SYT16: variants seen among roughly 807,000 people sequenced by gnomAD.
The protein encoded by SYT16 is synaptotagmin 16.
A neutral mutation model predicts 61.4 loss-of-function variants in SYT16; 42 were observed. The observed-to-expected ratio is 0.68, with a 90% CI of 0.53 to 0.89. The LOEUF (loss-of-function observed/expected upper bound fraction) is 0.89. SYT16 is among the 40% of genes least tolerant of loss of function. SYT16 has a pLI of 0.00. For missense variants in SYT16, 804 were observed against 807.3 expected, an observed-to-expected ratio of 1.00 and a Z score of 0.05; for synonymous variants, 314 against 302.3, an observed-to-expected ratio of 1.04 and a Z score of -0.40.
Position 61,983,616 on chromosome 14 carries a change from A to T in SYT16, c.-144-12260A>T, listed in dbSNP as rs560791966. 3.1e-4 allele frequency among the ~76,000 whole-genome samples: 47 copies of T among 152,062 alleles called. No individual in the cohort carries two copies. The South Asian group carries it at 9.3e-3, about 30-fold the overall frequency. On this transcript the variant is annotated intron_variant, in intron 2 of 7. Coordinates refer to ENST00000683842, the MANE Select transcript of SYT16 (RefSeq NM_001367656.1). ...TCATAGCTCACTGTGATCTCAACTT[A>T]TTGGGCTCAAGCAATCCTTCAGCCT... is the stretch of plus-strand genomic sequence containing the variant.
At chr14:62,063,609 C>T (rs1220907707) in intron 3 of SYT16, among the ~76,000 whole-genome samples, 1 of 152,170 alleles carries the variant, frequency 6.6e-6, no homozygotes, top group East Asian at 1.9e-4. Flanking sequence ...GTGGGTGATA[C>T]TACTCCCAAC....
At chr14:61,833,970 AT>A (rs544826072) in intron 1 of SYT16, among the ~76,000 whole-genome samples, 4,384 of 117,294 alleles carry the variant, frequency 0.037, 178 homozygotes, top group African/African-American at 0.11. Context: ...TCTGGCTTTG[AT>A]TTTTTTTTTT....
chr14:61,945,972 C>T (rs563857220), intron 1 of SYT16, among the ~76,000 whole-genome samples: 1 of 145,166 alleles, frequency 6.9e-6, no homozygotes, highest in South Asian at 2.2e-4. Context: ...GAAAATCAAA[C>T]ACCACATGTT....
intron 1 of SYT16, among the ~76,000 whole-genome samples, chr14:61,956,251 A>G (rs535029450): frequency 1.3e-4 from 20 of 151,898 alleles, no homozygotes; most frequent in Non-Finnish European, 2.4e-4. Context: ...TCCATAGGTT[A>G]CCTTTTCATT....
chr14:61,979,798 C>T (rs1266589438), intron 2 of SYT16, among the ~76,000 whole-genome samples: 1 of 152,118 alleles, frequency 6.6e-6, no homozygotes, highest in Non-Finnish European at 1.5e-5. Flanking sequence ...CGGAGAATCA[C>T]TTGAACCCGG....
In SYT16 at chr14:62,100,757, G is replaced by A; in HGVS notation, c.*50G>A. ...TGTGTCCACCTTGGTTACCTGTGTT[G>A]CTGTCTACTGACACTAAGTGTCCTG... On this transcript the variant is annotated 3_prime_UTR_variant, in exon 8 of 8. Coordinates refer to ENST00000683842, the MANE Select transcript of SYT16 (RefSeq NM_001367656.1). The A allele has an allele frequency of 6.4e-7, 1 of 1,556,912 alleles. No homozygotes were observed. Among genetic ancestry groups the A allele is most frequent in the South Asian group, 1.2e-5 (1 of 81,292 alleles).
At chr14:62,004,347 C>T (rs775904687) in intron 3 of SYT16, among the ~76,000 whole-genome samples, 43 of 152,166 alleles carry the variant, frequency 2.8e-4, no homozygotes, top group African/African-American at 7.5e-4. Context: ...ATGAGAACAG[C>T]ATGGGGGAAA....
In SYT16 at chr14:62,025,104, A is replaced by G. The variant is rs572087912; in HGVS notation, c.523+28562A>G. On this transcript the variant is annotated intron_variant, in intron 3 of 7. Transcript: ENST00000683842. The stretch of plus-strand genomic sequence containing the variant: ...AAAGCTGCTATAAATATCCGTGTAC[A>G]GGTTTTTGTGTAGACGTGTTTTCAA... 1.0e-3 allele frequency among the ~76,000 whole-genome samples: 158 copies of G among 152,282 alleles called. 1 individual carries two copies. Among genetic ancestry groups the G allele is most frequent in the Middle Eastern group, 3.4e-3 (1 of 294 alleles).
intron 2 of SYT16, among the ~76,000 whole-genome samples, chr14:61,982,619 A>G (rs1253960842): frequency 6.6e-6 from 1 of 152,286 alleles, no homozygotes; most frequent in Admixed American, 6.5e-5. Context: ...GGGTGGGGAC[A>G]TAGCCAAACC....
intron 3 of SYT16, among the ~76,000 whole-genome samples, chr14:61,997,968 A>G (rs929091162): frequency 1.3e-5 from 2 of 152,018 alleles, no homozygotes. Flanking sequence ...TGTTTTCTTA[A>G]CAATGAGCAC....
chr14:61,956,443 G>A (rs1286170597), intron 1 of SYT16, among the ~76,000 whole-genome samples: 1 of 151,936 alleles, frequency 6.6e-6, no homozygotes, highest in Admixed American at 6.6e-5. Flanking sequence ...CAGGTCTTAT[G>A]TTTAAGTCAT....
chr14:61,817,013 ACACACACACACACAC>A (rs1566604724), intron 1 of SYT16, among the ~76,000 whole-genome samples: 76 of 144,726 alleles, frequency 5.3e-4, no homozygotes, highest in Admixed American at 6.8e-4. Context: ...TCCGTCACAC[ACACACACACACACAC>A]AAAAAAAGCA....
At chr14:61,964,039 G>A (rs973249467) in intron 1 of SYT16, among the ~76,000 whole-genome samples, 13 of 152,064 alleles carry the variant, frequency 8.5e-5, no homozygotes, top group Middle Eastern at 3.2e-3. Flanking sequence ...ATTACTGCTC[G>A]CTGACAATGC....
intron 3 of SYT16, among the ~76,000 whole-genome samples, chr14:62,041,598 C>T (rs1321647281): frequency 3.9e-5 from 6 of 152,220 alleles, no homozygotes; most frequent in East Asian, 1.9e-4. Flanking sequence ...CTCTGCCTCC[C>T]GGGTTCAAGC....
chr14:61,890,103 G>T (rs933083789), intron 1 of SYT16, among the ~76,000 whole-genome samples: 1 of 152,196 alleles, frequency 6.6e-6, no homozygotes, highest in Non-Finnish European at 1.5e-5. Flanking sequence ...GGGTTAGGAG[G>T]ATCATGAGCA....
chr14:62,073,681 A>G (rs2056380323), intron 4 of SYT16, among the ~76,000 whole-genome samples: 1 of 152,172 alleles, frequency 6.6e-6, no homozygotes, highest in Admixed American at 6.5e-5. Context: ...ATCTGCCTGA[A>G]GATGTTTTTG....
At chr14:62,030,290 C>A (rs367834896) in intron 3 of SYT16, among the ~76,000 whole-genome samples, 1 of 152,064 alleles carries the variant, frequency 6.6e-6, no homozygotes, top group Admixed American at 6.5e-5. Context: ...TAGTTTTGTC[C>A]GCTTATATCA....
chr14:62,105,381 C>T lies in SYT16; in HGVS notation c.*4674C>T, dbSNP rs1206146586. 3.3e-5 allele frequency: 5 copies of T among 152,308 alleles called. No homozygotes were observed. The East Asian group carries it at 7.7e-4, about 23-fold the overall frequency. 9.4% of individuals were successfully genotyped at this position (152,308 alleles called of 1,614,324 possible). On this transcript the variant is annotated 3_prime_UTR_variant, in exon 8 of 8. Coordinates refer to ENST00000683842, the MANE Select transcript of SYT16 (RefSeq NM_001367656.1). ...GTAAAATAAATGATGTGATACTATA[C>T]TGAGACTGTTTTAAAAATGGATAAC... is the stretch of plus-strand genomic sequence containing the variant.
At chr14:61,980,058 A>T (rs1348300313) in intron 2 of SYT16, among the ~76,000 whole-genome samples, 2 of 152,210 alleles carry the variant, frequency 1.3e-5, no homozygotes, top group African/African-American at 4.8e-5. Context: ...TTTTGTCCTG[A>T]AATAATAGGA....
Sources: gnomAD v4.1 joint callset for allele counts (sites outside exome capture counted in the v4.1 genomes callset) on GRCh38, gnomAD v4.1.1 for gene constraint, MANE v1.5 for transcripts, NCBI Gene and HGNC (gene_info 2026-07-23, HGNC 2026-07-21) for gene names.